The following CSGALNACT2 variants were observed in gnomAD, a reference collection of about 807,000 sequenced individuals.
CSGALNACT2 encodes the protein chondroitin sulfate N-acetylgalactosaminyltransferase 2.
In CSGALNACT2, 35 loss-of-function variants were observed where a neutral mutation model predicts 55.3. The observed-to-expected ratio is 0.63, with a 90% CI of 0.48 to 0.84. CSGALNACT2 has a LOEUF of 0.84. Ranked by LOEUF, CSGALNACT2 falls within the 40% of genes least tolerant of loss-of-function variation. The pLI is 0.00. For synonymous variants in CSGALNACT2, 196 were observed against 224.9 expected, an observed-to-expected ratio of 0.87 and a Z score of 1.15; for missense variants, 544 against 657.5, an observed-to-expected ratio of 0.83 and a Z score of 1.89.
chr10:43,168,401 A>G (rs1162692327), intron 6 of CSGALNACT2, among the ~76,000 whole-genome samples: 1 of 152,170 alleles, frequency 6.6e-6, no homozygotes, highest in Non-Finnish European at 1.5e-5. Flanking sequence ...CAATGAGCCA[A>G]TATCACGCCA....
chr10:43,164,950 G>A (rs1588905617), intron 5 of CSGALNACT2, among the ~76,000 whole-genome samples: 1 of 152,066 alleles, frequency 6.6e-6, no homozygotes, highest in Non-Finnish European at 1.5e-5. Flanking sequence ...GAGGCTGGGG[G>A]TGGTGGCTCA....
At chr10:43,144,229 A>C (rs1403873621) in intron 1 of CSGALNACT2, among the ~76,000 whole-genome samples, 1 of 152,230 alleles carries the variant, frequency 6.6e-6, no homozygotes, top group African/African-American at 2.4e-5. Flanking sequence ...TTAGTCTTCC[A>C]AGTTAGCTTG....
intron 1 of CSGALNACT2, among the ~76,000 whole-genome samples, chr10:43,146,294 G>A (rs773532503): frequency 6.6e-6 from 1 of 152,176 alleles, no homozygotes; most frequent in African/African-American, 2.4e-5. Context: ...GAGTCCAAAA[G>A]CTAAAGAACT....
At chr10:43,174,845 T>C (rs1461590213) in intron 6 of CSGALNACT2, among the ~76,000 whole-genome samples, 1 of 152,226 alleles carries the variant, frequency 6.6e-6, no homozygotes, top group East Asian at 1.9e-4. Flanking sequence ...CTCTGTTTAT[T>C]GCTAAGCCTC....
At chr10:43,162,851 G>A in intron 4 of CSGALNACT2, 2 of 973,026 alleles carry the variant, frequency 2.1e-6, no homozygotes, top group Non-Finnish European at 2.4e-6. Context: ...GATGCTGTGG[G>A]TTTGGGGGCC....
intron 6 of CSGALNACT2, among the ~76,000 whole-genome samples, chr10:43,170,123 T>C (rs942984737): frequency 6.6e-6 from 1 of 152,200 alleles, no homozygotes; most frequent in East Asian, 1.9e-4. Flanking sequence ...TAAATAGTTA[T>C]GTTGACATAA....
At chr10:43,183,128 G>A (rs557853708) in intron 7 of CSGALNACT2, 122 bp from the exon 8 acceptor site, 25 of 761,108 alleles carry the variant, frequency 3.3e-5, no homozygotes, top group African/African-American at 2.1e-4. Flanking sequence ...CAGGTGTCTC[G>A]TGCTACCTTT....
chr10:43,158,575 GA>G (rs1839069895), intron 2 of CSGALNACT2, 139 bp from the exon 3 acceptor site: 3 of 595,318 alleles, frequency 5.0e-6, no homozygotes, highest in Non-Finnish European at 9.0e-6. Context: ...GTGCAGTGGG[GA>G]TAAGTATTTT....
intron 6 of CSGALNACT2, among the ~76,000 whole-genome samples, chr10:43,168,215 G>T (rs2133137906): frequency 6.6e-6 from 1 of 152,312 alleles, no homozygotes; most frequent in East Asian, 1.9e-4. Context: ...CACTTTGGGA[G>T]GTCAAGACGG....
At chr10:43,162,379 G>C in intron 4 of CSGALNACT2, 6 of 959,520 alleles carry the variant, frequency 6.3e-6, no homozygotes, top group Non-Finnish European at 7.4e-6. Context: ...GGGGTATTGG[G>C]ACTGGCCCAG....
intron 2 of CSGALNACT2, 63 bp downstream of exon 2, chr10:43,155,873 G>A: frequency 7.6e-7 from 1 of 1,321,970 alleles, no homozygotes; most frequent in Non-Finnish European, 1.1e-6. Flanking sequence ...ATTGTATGCT[G>A]GTATTGTATT....
At chr10:43,166,727 G>T (rs932025684) in intron 5 of CSGALNACT2, among the ~76,000 whole-genome samples, 1 of 152,148 alleles carries the variant, frequency 6.6e-6, no homozygotes, top group African/African-American at 2.4e-5. Context: ...AATGACTCAC[G>T]TAATGAATAC....
chr10:43,171,539 G>C (rs1332641341), intron 6 of CSGALNACT2, among the ~76,000 whole-genome samples: 1 of 152,096 alleles, frequency 6.6e-6, no homozygotes, highest in Non-Finnish European at 1.5e-5. Context: ...TTTTAGTAGA[G>C]ATGGGGTTTC....
chr10:43,150,024 G>A (rs1014304364), intron 1 of CSGALNACT2, among the ~76,000 whole-genome samples: 4 of 152,124 alleles, frequency 2.6e-5, no homozygotes, highest in Non-Finnish European at 5.9e-5. Flanking sequence ...CTGAGATCGC[G>A]CCATTGCACT....
Position 43,184,342 on chromosome 10 carries a change from A to G in CSGALNACT2, c.*800A>G, listed in dbSNP as rs1183146172. 2 of 152,222 alleles carry G rather than the reference A, an allele frequency of 1.3e-5. No homozygotes were observed. The highest frequency in any genetic ancestry group is 4.8e-5 in the African/African-American group (2 of 41,460). 9.4% of individuals were successfully genotyped at this position (152,222 alleles called of 1,614,324 possible). A position where few individuals can be genotyped will look rare whatever the true frequency, so the allele number is the denominator to read the frequency against. ...CAGGATCCTAGCTCTGTCTGGGAAC[A>G]TTAGTTTATTTGAGCCAGCTCTATC... On this transcript the variant is annotated 3_prime_UTR_variant, in exon 8 of 8. Transcript: ENST00000374466.
intron 1 of CSGALNACT2, among the ~76,000 whole-genome samples, chr10:43,144,796 A>G (rs1838707970): frequency 1.3e-5 from 2 of 152,144 alleles, no homozygotes; most frequent in African/African-American, 4.8e-5. Flanking sequence ...CCTTTTTATA[A>G]TTCCTTCCTG....
chr10:43,160,445 T>A, intron 3 of CSGALNACT2, 49 bp from the exon 4 acceptor site: 4 of 924,252 alleles, frequency 4.3e-6, no homozygotes, highest in Non-Finnish European at 7.0e-6. Context: ...TCTTAATGAA[T>A]AGTGCCTCAT....
chr10:43,144,436 G>A (rs1348846618), intron 1 of CSGALNACT2, among the ~76,000 whole-genome samples: 1 of 152,190 alleles, frequency 6.6e-6, no homozygotes, highest in Non-Finnish European at 1.5e-5. Context: ...AAAAGATATG[G>A]TAAGACCTTT....
chr10:43,181,559 C>G (rs1235349872), intron 7 of CSGALNACT2, among the ~76,000 whole-genome samples: 2 of 152,054 alleles, frequency 1.3e-5, no homozygotes, highest in Non-Finnish European at 2.9e-5. Context: ...TTGTTTAATA[C>G]TTTTCAGAGA....
Sources: allele counts gnomAD v4.1 joint callset (sites outside exome capture counted in the v4.1 genomes callset), GRCh38; gene constraint gnomAD v4.1.1; transcripts MANE v1.5; gene names NCBI Gene and HGNC (gene_info 2026-07-23, HGNC 2026-07-21).